CNTLN: variants seen among roughly 807,000 people sequenced by gnomAD.
CNTLN encodes the protein centlein.
CNTLN carries 212 observed loss-of-function variants against 180.0 expected under a neutral mutation model. The observed-to-expected ratio is 1.18, with a 90% CI of 1.05 to 1.32. CNTLN has a LOEUF of 1.32. CNTLN is among the 40% of genes most tolerant of loss of function. The pLI, the probability that CNTLN is intolerant of heterozygous loss-of-function variation, is 0.00. For synonymous variants in CNTLN, 722 were observed against 563.1 expected, an observed-to-expected ratio of 1.28 and a Z score of -3.99; for missense variants, 2,095 against 1,610.9, an observed-to-expected ratio of 1.30 and a Z score of -5.14.
chr9:17,526,977 A>G, the CNTLN span, among the ~76,000 whole-genome samples: 1 of 152,106 alleles, frequency 6.6e-6, no homozygotes, highest in Non-Finnish European at 1.5e-5. Flanking sequence ...TCCTGGGTCC[A>G]AGTGATTCTC....
intron 1 of CNTLN, among the ~76,000 whole-genome samples, chr9:17,142,083 GAAAAAAAAAAA>G (rs1180057903): frequency 1.7e-5 from 1 of 57,732 alleles, no homozygotes; most frequent in Non-Finnish European, 3.5e-5. Context: ...CTCTGTCTCA[GAAAAAAAAAAA>G]AAAAAAAAAG....
chr9:17,279,552 G>T (rs765151834), intron 6 of CNTLN, among the ~76,000 whole-genome samples: 8 of 151,648 alleles, frequency 5.3e-5, no homozygotes, highest in Non-Finnish European at 8.8e-5. Context: ...TGATGCTCCA[G>T]TTTGGTTCTT....
intron 16 of CNTLN, among the ~76,000 whole-genome samples, chr9:17,414,166 A>G (rs915138319): frequency 2.0e-5 from 3 of 152,208 alleles, no homozygotes; most frequent in African/African-American, 4.8e-5. Flanking sequence ...CAAGGTCACA[A>G]GGGATTGTCA....
intron 19 of CNTLN, among the ~76,000 whole-genome samples, chr9:17,459,036 T>G (rs1308279292): frequency 6.6e-6 from 1 of 151,832 alleles, no homozygotes; most frequent in Non-Finnish European, 1.5e-5. Flanking sequence ...ATTCTTCATA[T>G]ATTTAAGTCC....
In CNTLN at chr9:17,502,691, T is replaced by A; in HGVS notation, c.*39T>A. 1.3e-6 allele frequency: 1 copy of A among 792,336 alleles called. No homozygotes were observed. The highest frequency in any genetic ancestry group is 3.0e-5 in the East Asian group (1 of 33,290). 49.1% of individuals were successfully genotyped at this position (792,336 alleles called of 1,614,324 possible). A position where few individuals can be genotyped will look rare whatever the true frequency, so the allele number is the denominator to read the frequency against. Reference sequence around the variant, plus strand: ...AGCTTTATTGCAAATGTGAAAACTTTTTATGTGGTGTGATTGGAATACATG... The same window carrying A: ...AGCTTTATTGCAAATGTGAAAACTTATTATGTGGTGTGATTGGAATACATG... On this transcript the variant is annotated 3_prime_UTR_variant, in exon 26 of 26. Coordinates refer to ENST00000380647, the MANE Select transcript of CNTLN (RefSeq NM_017738.4).
rs148178088 is a variant in CNTLN at position 17,195,656 on chromosome 9, C to T, written c.450-30547C>T. On this transcript the variant is annotated intron_variant, in intron 2 of 25. Transcript: ENST00000380647. ...TATGTGCCCAGCATTCTGCCAGTAG[C>T]GTGCCTGGAGAGAGAATCGGGAAGG... 5.3e-4 allele frequency among the ~76,000 whole-genome samples: 81 copies of T among 152,162 alleles called. 3 individuals are homozygous for T. In the East Asian group the frequency reaches 0.013, roughly 25 times the overall value.
intron 5 of CNTLN, among the ~76,000 whole-genome samples, chr9:17,240,698 C>G (rs1316305526): frequency 6.6e-6 from 1 of 151,996 alleles, no homozygotes; most frequent in Non-Finnish European, 1.5e-5. Context: ...TTGTCCCATT[C>G]TGTTCACTTT....
At chr9:17,244,931 A>C (rs1270169027) in intron 5 of CNTLN, among the ~76,000 whole-genome samples, 1 of 152,198 alleles carries the variant, frequency 6.6e-6, no homozygotes, top group Non-Finnish European at 1.5e-5. Context: ...AGAGAAAACT[A>C]ATATAAACTC....
chr9:17,184,001 A>G (rs1438813625), intron 2 of CNTLN, among the ~76,000 whole-genome samples: 1 of 152,158 alleles, frequency 6.6e-6, no homozygotes, highest in Non-Finnish European at 1.5e-5. Flanking sequence ...GAAATGGAAA[A>G]TAGTGAGCTT....
intron 12 of CNTLN, among the ~76,000 whole-genome samples, chr9:17,356,501 G>A (rs1382376927): frequency 1.3e-5 from 2 of 152,162 alleles, no homozygotes; most frequent in East Asian, 3.9e-4. Context: ...TAGGCTTTGA[G>A]CAGTGACTCT....
intron 8 of CNTLN, among the ~76,000 whole-genome samples, chr9:17,327,246 C>T (rs968039220): frequency 2.3e-5 from 3 of 132,550 alleles, no homozygotes; most frequent in Non-Finnish European, 4.7e-5. Flanking sequence ...TGGAGTCTCA[C>T]TCTTGCCCAG....
At chr9:17,366,864 C>A in intron 13 of CNTLN, 147 bp downstream of exon 13, 1 of 525,662 alleles carries the variant, frequency 1.9e-6, no homozygotes, top group Non-Finnish European at 3.4e-6. Context: ...ACATTTTCAT[C>A]CTGAGAAAAT....
rs751281670 is a variant in CNTLN at position 17,415,805 on chromosome 9, G to A, written c.2814G>A (p.Lys938=). 6.2e-7 allele frequency: 1 copy of A among 1,607,970 alleles called. No homozygotes were observed. The highest frequency in any genetic ancestry group is 1.7e-5 in the Admixed American group (1 of 59,760). Residue 938 remains lysine, a synonymous_variant, in exon 17 of 26, where the codon AAG becomes AAA. Transcript: ENST00000380647. ...GKTPKDYFHD[K]NAKKPTFQKK... ...AAATTTAGGACTATTTTCATGATAA[G>A]AATGCCAAAAAACCAACTTTTCAAA...
chr9:17,196,493 T>C (rs1193440477), intron 2 of CNTLN, among the ~76,000 whole-genome samples: 1 of 152,146 alleles, frequency 6.6e-6, no homozygotes, highest in African/African-American at 2.4e-5. Context: ...ATGGCAATGA[T>C]ACTTTAAAAG....
chr9:17,522,652 A>G, the CNTLN span, among the ~76,000 whole-genome samples: 1 of 152,102 alleles, frequency 6.6e-6, no homozygotes, highest in Non-Finnish European at 1.5e-5. Context: ...CACACAACCG[A>G]AAGTCGGCCT....
At chr9:17,189,233 C>G (rs1252871103) in intron 2 of CNTLN, among the ~76,000 whole-genome samples, 1 of 150,814 alleles carries the variant, frequency 6.6e-6, no homozygotes, top group Non-Finnish European at 1.5e-5. Flanking sequence ...CAGCTGCCCG[C>G]CACTACGCCC....
At chr9:17,188,103 C>T (rs887307937) in intron 2 of CNTLN, among the ~76,000 whole-genome samples, 3 of 150,792 alleles carry the variant, frequency 2.0e-5, no homozygotes, top group Admixed American at 6.6e-5. Flanking sequence ...GCTTTTCCTC[C>T]GCAAAGTTTC....
intron 25 of CNTLN, among the ~76,000 whole-genome samples, chr9:17,489,859 T>A (rs564131431): frequency 2.0e-5 from 3 of 152,294 alleles, no homozygotes; most frequent in African/African-American, 7.2e-5. Context: ...AGATTTCTAG[T>A]AATAAGAACC....
At chr9:17,279,962 C>T (rs1242731794) in intron 6 of CNTLN, among the ~76,000 whole-genome samples, 4 of 152,102 alleles carry the variant, frequency 2.6e-5, no homozygotes, top group African/African-American at 9.7e-5. Context: ...GTATGCTCAG[C>T]TTCTTTGCCA....
Sources: allele counts gnomAD v4.1 joint callset (sites outside exome capture counted in the v4.1 genomes callset), GRCh38; gene constraint gnomAD v4.1.1; transcripts MANE v1.5; gene names NCBI Gene and HGNC (gene_info 2026-07-23, HGNC 2026-07-21).